The following RNF34 variants were observed in gnomAD, a reference collection of about 807,000 sequenced individuals.
RNF34 encodes the protein E3 ubiquitin-protein ligase RNF34.
In RNF34, 12 loss-of-function variants were observed where a neutral mutation model predicts 37.9. The ratio of observed to expected loss-of-function variants is 0.32; its 90% confidence interval spans 0.20 to 0.51. The LOEUF is 0.51. RNF34 is among the 20% of genes least tolerant of loss of function. RNF34 has a pLI of 0.97. For missense variants in RNF34, 362 were observed against 472.7 expected (o/e 0.77, Z 2.17); for synonymous variants, 155 against 177.2 (o/e 0.87, Z 1.00).
intron 1 of RNF34, among the ~76,000 whole-genome samples, chr12:121,404,195 C>T (rs1174116896): frequency 1.0e-4 from 15 of 149,764 alleles, no homozygotes; most frequent in Non-Finnish European, 5.9e-5. Flanking sequence ...TTAGTAGAGA[C>T]GGAGTTTCAC....
intron 1 of RNF34, among the ~76,000 whole-genome samples, chr12:121,414,000 T>G (rs1338183859): frequency 6.6e-6 from 1 of 152,252 alleles, no homozygotes; most frequent in Non-Finnish European, 1.5e-5. Context: ...CTTCTTTACC[T>G]TCTCCTTTCT....
At chr12:121,409,777 G>A (rs1370139497) in intron 1 of RNF34, 1 of 152,232 alleles carries the variant, frequency 6.6e-6, no homozygotes, top group African/African-American at 2.4e-5. Context: ...CAGCTACGAA[G>A]GTACAGGACT....
intron 1 of RNF34, among the ~76,000 whole-genome samples, chr12:121,403,757 A>T (rs541018409): frequency 2.0e-4 from 31 of 152,326 alleles, no homozygotes; most frequent in African/African-American, 7.5e-4. Flanking sequence ...TTCTAGGTTC[A>T]TCCTTAAAAT....
Position 121,417,951 on chromosome 12 carries a change from C to G in RNF34, c.633+40C>G, listed in dbSNP as rs782745947. 5.0e-5 allele frequency: 80 copies of G among 1,590,670 alleles called. No homozygotes were observed. Among genetic ancestry groups the G allele is most frequent in the Non-Finnish European group, 6.6e-5 (77 of 1,168,594 alleles). Reference sequence around the variant, plus strand: ...CTAATTACACCCAGGGCCCGGCACGCTTATTCTTGGCCGTATATGGTGGGG... The same window carrying G: ...CTAATTACACCCAGGGCCCGGCACGGTTATTCTTGGCCGTATATGGTGGGG... On this transcript the variant is annotated intron_variant, in intron 3 of 5. Coordinates refer to ENST00000361234, the MANE Select transcript of RNF34 (RefSeq NM_025126.4). The surrounding 1 kb of genome is among the most constrained non-coding windows in gnomAD (Gnocchi z 5.0).
chr12:121,403,933 G>T (rs1870248578), intron 1 of RNF34, among the ~76,000 whole-genome samples: 3 of 150,954 alleles, frequency 2.0e-5, no homozygotes, highest in African/African-American at 7.3e-5. Context: ...AGACTCTTAC[G>T]AGAAGAGTCT....
At chr12:121,404,387 C>CT (rs782225104) in intron 1 of RNF34, among the ~76,000 whole-genome samples, 44,885 of 65,908 alleles carry the variant, frequency 0.68, 16,454 homozygotes, top group Non-Finnish European at 0.75. Flanking sequence ...GTCATTTAAT[C>CT]TTTTTTTTTT....
At chr12:121,405,514 T>G (rs1267531662) in intron 1 of RNF34, among the ~76,000 whole-genome samples, 1 of 152,178 alleles carries the variant, frequency 6.6e-6, no homozygotes, top group African/African-American at 2.4e-5. Context: ...GACAGGGTCT[T>G]GCTCTGTCAC....
In RNF34 at chr12:121,401,354, CA is replaced by C. The variant is rs563285897; in HGVS notation, c.6+1156del. Among the ~76,000 whole-genome samples the C allele has an allele frequency of 9.0e-3, 693 of 76,776 alleles. 6 individuals are homozygous for C. The highest frequency in any genetic ancestry group is 0.048 in the Middle Eastern group (6 of 124). The allele number at this position is 76,776 out of a possible 152,430, so 50.4% of individuals were successfully genotyped here. ...TTACAAGGCAGAAGGCTATAGGTATCAAAAAAAAAAAAAAAAAAAAGGCAGG... is the reference window on the plus strand; with the variant it reads ...TTACAAGGCAGAAGGCTATAGGTATCAAAAAAAAAAAAAAAAAAAGGCAGG... On this transcript the variant is annotated intron_variant, in intron 1 of 5. Transcript: ENST00000361234.
Position 121,419,989 on chromosome 12 carries a change from T to G in RNF34, c.634-253T>G, listed in dbSNP as rs1871970737. On this transcript the variant is annotated intron_variant, in intron 3 of 5. Transcript: ENST00000361234. ...CCATTATGGGACCTTCCTGAGAGAGTTAATACTCTGGTTAGATTTTATAAC... is the reference window on the plus strand; with the variant it reads ...CCATTATGGGACCTTCCTGAGAGAGGTAATACTCTGGTTAGATTTTATAAC... The G allele has an allele frequency of 5.0e-5, 19 of 376,296 alleles. 1 individual carries two copies. The highest frequency in any genetic ancestry group is 4.7e-4 in the South Asian group (17 of 35,936). The allele number at this position is 376,296 out of a possible 1,614,324, so 23.3% of individuals were successfully genotyped here.
chr12:121,420,832 A>C (rs1555283252), intron 5 of RNF34, 54 bp downstream of exon 5: 3 of 1,389,792 alleles, frequency 2.2e-6, no homozygotes, highest in Non-Finnish European at 3.0e-6. Context: ...GGCTTTTAAA[A>C]ACTGGGTTGT....
chr12:121,418,634 G>T (rs1871800601), intron 3 of RNF34: 1 of 152,258 alleles, frequency 6.6e-6, no homozygotes, highest in Admixed American at 6.5e-5. Flanking sequence ...CAAGAGGATT[G>T]CTTTAGTTCA....
At chr12:121,412,882 T>C (rs139422249) in intron 1 of RNF34, among the ~76,000 whole-genome samples, 4 of 150,430 alleles carry the variant, frequency 2.7e-5, no homozygotes, top group Non-Finnish European at 5.9e-5. Flanking sequence ...CTGGGCCAGC[T>C]ATTTTTGTAT....
Position 121,400,866 on chromosome 12 carries a change from G to A in RNF34, c.6+648G>A, listed in dbSNP as rs1379925648. On this transcript the variant is annotated intron_variant, in intron 1 of 5. Transcript: ENST00000361234. Reference sequence around the variant, plus strand: ...GAGAGCGTGGGAGCATTACTGATGAGAAGTTGAAGAAAAGGGGAAAGGGGA... The same window carrying A: ...GAGAGCGTGGGAGCATTACTGATGAAAAGTTGAAGAAAAGGGGAAAGGGGA... 2.0e-5 allele frequency among the ~76,000 whole-genome samples: 3 copies of A among 152,154 alleles called. No homozygotes were observed. The East Asian group carries it at 5.8e-4, about 29-fold the overall frequency.
chr12:121,407,346 G>T (rs947251093), intron 1 of RNF34, among the ~76,000 whole-genome samples: 9 of 152,184 alleles, frequency 5.9e-5, no homozygotes, highest in African/African-American at 2.2e-4. Context: ...CCATAAAGAA[G>T]GCACCACTTT....
intron 1 of RNF34, among the ~76,000 whole-genome samples, chr12:121,412,785 C>T (rs1333807398): frequency 7.2e-6 from 1 of 139,024 alleles, no homozygotes; most frequent in Non-Finnish European, 1.5e-5. Flanking sequence ...AGTGCAGTGG[C>T]GTGATCTCGG....
In RNF34 at chr12:121,420,656, T is replaced by C. The variant is rs782188719; in HGVS notation, c.806T>C (p.Val269Ala). Residue 269 changes from valine to alanine, a missense_variant, in exon 5 of 6, where the codon GTG (valine) becomes GCG (alanine). Transcript: ENST00000361234. The part of the protein sequence containing the change: ...SSLDDVEGMS[V>A]RQLKEILARN... ...CTTGATGATGTGGAAGGAATGAGCGTGCGCCAGCTGAAGGAAATTCTGGCT... is the reference window on the plus strand; with the variant it reads ...CTTGATGATGTGGAAGGAATGAGCGCGCGCCAGCTGAAGGAAATTCTGGCT... The C allele has an allele frequency of 6.2e-7, 1 of 1,614,156 alleles. No individual in the cohort carries two copies. Among genetic ancestry groups the C allele is most frequent in the Non-Finnish European group, 8.5e-7 (1 of 1,180,016 alleles).
chr12:121,423,703 G>C lies in RNF34; in HGVS notation c.*127G>C. On this transcript the variant is annotated 3_prime_UTR_variant, in exon 6 of 6. Coordinates refer to ENST00000361234, the MANE Select transcript of RNF34 (RefSeq NM_025126.4). This position sits in a 1 kb window ranked among gnomAD's most constrained non-coding sequence, Gnocchi z 4.3. ...TAAAACATTATTTTGACTACTAAGT[G>C]GGGACAGAAAGATCCATCCTGAGTT... The C allele has an allele frequency of 1.2e-6, 1 of 823,864 alleles. No homozygotes were observed. Among genetic ancestry groups the C allele is most frequent in the Non-Finnish European group, 1.9e-6 (1 of 529,528 alleles). The allele number at this position is 823,864 out of a possible 1,614,324, so 51.0% of individuals were successfully genotyped here. A position where few individuals can be genotyped will look rare whatever the true frequency, so the allele number is the denominator to read the frequency against.
At chr12:121,419,115 A>T (rs1871853440) in intron 3 of RNF34, among the ~76,000 whole-genome samples, 1 of 152,240 alleles carries the variant, frequency 6.6e-6, no homozygotes, top group South Asian at 2.1e-4. Flanking sequence ...GATAGACCAC[A>T]TACACGGCAG....
At position 121,417,447 on chromosome 12, in the gene RNF34, C is replaced by T; in HGVS notation, c.226-57C>T. ...ATTTTAGTAGAAGGCAGAAAGAAAACTCATGCTTTCATAATGGTTTATATC... is the reference window on the plus strand; with the variant it reads ...ATTTTAGTAGAAGGCAGAAAGAAAATTCATGCTTTCATAATGGTTTATATC... On this transcript the variant is annotated intron_variant, in intron 2 of 5. Coordinates refer to ENST00000361234, the MANE Select transcript of RNF34 (RefSeq NM_025126.4). The surrounding 1 kb of genome is among the most constrained non-coding windows in gnomAD (Gnocchi z 5.0). 7 of 1,466,762 alleles carry T rather than the reference C, an allele frequency of 4.8e-6. No individual in the cohort carries two copies. Among genetic ancestry groups the T allele is most frequent in the Non-Finnish European group, 6.5e-6 (7 of 1,084,934 alleles). 90.9% of individuals were successfully genotyped at this position (1,466,762 alleles called of 1,614,324 possible).
Sources: allele counts gnomAD v4.1 joint callset (sites outside exome capture counted in the v4.1 genomes callset), GRCh38; gene constraint gnomAD v4.1.1; non-coding constraint Gnocchi (gnomAD v3.1); transcripts MANE v1.5; gene names NCBI Gene and HGNC (gene_info 2026-07-23, HGNC 2026-07-21).